The following PRKN variants were observed in gnomAD, a reference collection of about 807,000 sequenced individuals.
The protein encoded by PRKN is E3 ubiquitin-protein ligase parkin.
Under a neutral mutation model 59.5 loss-of-function variants are expected in PRKN, and 56 were observed. The ratio of observed to expected loss-of-function variants is 0.94; its 90% CI spans 0.76 to 1.18. The LOEUF is 1.18. PRKN is among the 50% of genes most tolerant of loss of function. The pLI is 0.00. For missense variants in PRKN, 657 were observed against 596.4 expected, an observed-to-expected ratio of 1.10 and a Z score of -1.06; for synonymous variants, 250 against 222.1, an observed-to-expected ratio of 1.13 and a Z score of -1.12.
intron 2 of PRKN, among the ~76,000 whole-genome samples, chr6:162,384,654 A>AC (rs1259000658): frequency 2.1e-5 from 3 of 143,146 alleles, no homozygotes; most frequent in East Asian, 2.4e-4. Context: ...TTGTAAAAAA[A>AC]AAAAAAAACA....
chr6:162,089,272 A>G (rs555114356), intron 4 of PRKN, among the ~76,000 whole-genome samples: 1 of 152,316 alleles, frequency 6.6e-6, no homozygotes, highest in South Asian at 2.1e-4. Flanking sequence ...GAAGTTATAC[A>G]AATGGCCCAA....
Position 161,417,174 on chromosome 6 carries a change from T to C in PRKN, c.1084-30297A>G, listed in dbSNP as rs1410478685. 2.6e-5 allele frequency among the ~76,000 whole-genome samples: 4 copies of C among 152,072 alleles called. No homozygotes were observed. The highest frequency in any genetic ancestry group is 4.4e-5 in the Non-Finnish European group (3 of 68,014). On this transcript the variant is annotated intron_variant, in intron 9 of 11. Coordinates refer to ENST00000366898, the MANE Select transcript of PRKN (RefSeq NM_004562.3). The surrounding 1 kb of genome is among the most constrained non-coding windows in gnomAD (Gnocchi z 5.4). ...GGCCTGTAAAGTCATCTAACGGGCT[T>C]GGCGCAGTGGCTCACGCCTGTAATC...
Position 161,428,253 on chromosome 6 carries a change from T to C in PRKN, c.1084-41376A>G, listed in dbSNP as rs1788482431. Among the ~76,000 whole-genome samples, 1 of 152,192 alleles carries C rather than the reference T, an allele frequency of 6.6e-6. No individual in the cohort carries two copies. The highest frequency in any genetic ancestry group is 2.4e-5 in the African/African-American group (1 of 41,446). On this transcript the variant is annotated intron_variant, in intron 9 of 11. Transcript: ENST00000366898. This position sits in a 1 kb window ranked among gnomAD's most constrained non-coding sequence, Gnocchi z 4.0. Reference sequence around the variant, plus strand: ...ACTGGCTTAAAAGAATCCAATCCTTTATCAAAAGACTCCAGCATTTTTCCT... The same window carrying C: ...ACTGGCTTAAAAGAATCCAATCCTTCATCAAAAGACTCCAGCATTTTTCCT...
chr6:162,232,981 A>G (rs1778486893), intron 3 of PRKN, among the ~76,000 whole-genome samples: 1 of 152,204 alleles, frequency 6.6e-6, no homozygotes, highest in African/African-American at 2.4e-5. Context: ...AATACACACC[A>G]GCATAAAAGT....
intron 2 of PRKN, among the ~76,000 whole-genome samples, chr6:162,407,552 T>G (rs536300903): frequency 2.0e-5 from 3 of 152,200 alleles, no homozygotes; most frequent in African/African-American, 7.2e-5. Context: ...TCTGATTTCA[T>G]GCGTCAACTT....
chr6:162,346,912 T>A (rs887983393), intron 2 of PRKN, among the ~76,000 whole-genome samples: 1 of 151,956 alleles, frequency 6.6e-6, no homozygotes. Flanking sequence ...TATATCTATT[T>A]CTAAATTTGC....
chr6:161,894,257 C>G (rs1292267073), intron 6 of PRKN, among the ~76,000 whole-genome samples: 1 of 152,168 alleles, frequency 6.6e-6, no homozygotes, highest in Non-Finnish European at 1.5e-5. Flanking sequence ...AATTCCTTTC[C>G]TTTTCTACTG....
chr6:162,724,438 C>T (rs1268296301), intron 1 of PRKN, among the ~76,000 whole-genome samples: 1 of 152,202 alleles, frequency 6.6e-6, no homozygotes, highest in East Asian at 1.9e-4. Flanking sequence ...AAGGAAGGTA[C>T]ATGTCATTAG....
chr6:162,454,803 C>T lies in PRKN; in HGVS notation c.8-11330G>A, dbSNP rs79815540. Among the ~76,000 whole-genome samples the T allele has an allele frequency of 3.3e-3, 506 of 152,350 alleles. 4 individuals are homozygous for T. Among genetic ancestry groups the T allele is most frequent in the African/African-American group, 0.012 (487 of 41,582 alleles). ...AAAGGAATACACTCAATCTCCCCCA[C>T]GGTGGCTCTGGTGCACCACCACAGG... On this transcript the variant is annotated intron_variant, in intron 1 of 11. Transcript: ENST00000366898.
chr6:162,456,804 C>T (rs573087920), intron 1 of PRKN, among the ~76,000 whole-genome samples: 2 of 152,162 alleles, frequency 1.3e-5, no homozygotes, highest in Non-Finnish European at 2.9e-5. Context: ...TAACATTGCA[C>T]TCATAGCCAA....
At chr6:161,978,335 C>T (rs914271147) in intron 5 of PRKN, among the ~76,000 whole-genome samples, 7 of 152,198 alleles carry the variant, frequency 4.6e-5, no homozygotes, top group Admixed American at 4.6e-4. Flanking sequence ...CAGGTGTGAG[C>T]CACTGTGCCC....
At chr6:162,178,500 A>C (rs1783640536) in intron 4 of PRKN, among the ~76,000 whole-genome samples, 1 of 152,128 alleles carries the variant, frequency 6.6e-6, no homozygotes, top group African/African-American at 2.4e-5. Context: ...CCAGACACAC[A>C]CACCTGAGCT....
chr6:162,025,115 A>C (rs941241895), intron 5 of PRKN, among the ~76,000 whole-genome samples: 15 of 147,450 alleles, frequency 1.0e-4, no homozygotes, highest in Non-Finnish European at 2.1e-4. Flanking sequence ...TCCTGGGTCC[A>C]CGCCATTCTC....
At chr6:162,468,782 G>A (rs7771081) in intron 1 of PRKN, among the ~76,000 whole-genome samples, 510 of 152,210 alleles carry the variant, frequency 3.4e-3, no homozygotes, top group African/African-American at 0.011. Context: ...AAGTCTTCCC[G>A]TAAAACATTT....
At chr6:161,964,427 C>T (rs1780499700) in intron 6 of PRKN, among the ~76,000 whole-genome samples, 2 of 151,974 alleles carry the variant, frequency 1.3e-5, no homozygotes, top group Non-Finnish European at 2.9e-5. Flanking sequence ...GGGTGTGTCA[C>T]ACTTTTCAGA....
At chr6:161,556,529 C>T (rs1316616658) in intron 8 of PRKN, among the ~76,000 whole-genome samples, 6 of 152,126 alleles carry the variant, frequency 3.9e-5, no homozygotes, top group Non-Finnish European at 7.4e-5. Flanking sequence ...ATCCTTTTAA[C>T]CATTTACTGG....
intron 5 of PRKN, among the ~76,000 whole-genome samples, chr6:162,047,633 A>T (rs952318166): frequency 6.6e-6 from 1 of 152,198 alleles, no homozygotes; most frequent in African/African-American, 2.4e-5. Context: ...ATGAAGTCTA[A>T]AACAACAATA....
intron 7 of PRKN, among the ~76,000 whole-genome samples, chr6:161,733,783 A>AAATATATATAT (rs35360887): frequency 1.2e-5 from 1 of 86,228 alleles, no homozygotes; most frequent in African/African-American, 8.8e-5. Context: ...AAAAAAAAAA[A>AAATATATATAT]ATATATATAT....
chr6:161,592,477 T>G lies in PRKN; in HGVS notation c.872-23061A>C, dbSNP rs1171325319. ...ATGATATTAATGTTCTGATTATGCC[T>G]ATATTCCTTCTACAAATATATATGG... is the stretch of plus-strand genomic sequence containing the variant. On this transcript the variant is annotated intron_variant, in intron 7 of 11. Transcript: ENST00000366898. The surrounding 1 kb of genome is among the most constrained non-coding windows in gnomAD (Gnocchi z 4.8). 1.3e-5 allele frequency among the ~76,000 whole-genome samples: 2 copies of G among 152,190 alleles called. No individual in the cohort carries two copies. The highest frequency in any genetic ancestry group is 2.9e-5 in the Non-Finnish European group (2 of 68,040).
Sources: allele counts gnomAD v4.1 joint callset (sites outside exome capture counted in the v4.1 genomes callset), GRCh38; gene constraint gnomAD v4.1.1; non-coding constraint Gnocchi (gnomAD v3.1); transcripts MANE v1.5; gene names NCBI Gene and HGNC (gene_info 2026-07-23, HGNC 2026-07-21).